The following PCNP variants were observed in gnomAD, a reference collection of about 807,000 sequenced individuals.
PCNP encodes the protein PEST proteolytic signal-containing nuclear protein.
A neutral mutation model predicts 21.8 loss-of-function variants in PCNP; 6 were observed. The observed-to-expected ratio is 0.28, with a 90% CI of 0.15 to 0.54. PCNP has a LOEUF of 0.54. PCNP is among the 20% of genes least tolerant of loss of function. The pLI, the probability that PCNP is intolerant of heterozygous loss-of-function variation, is 0.95. For missense variants in PCNP, 161 were observed against 215.5 expected (o/e 0.75, Z 1.58); for synonymous variants, 67 against 73.2 (o/e 0.92, Z 0.43).
chr3:101,577,710 G>A (rs900211558), intron 1 of PCNP, among the ~76,000 whole-genome samples: 1 of 152,130 alleles, frequency 6.6e-6, no homozygotes, highest in Non-Finnish European at 1.5e-5. Flanking sequence ...TTTTAGTAGA[G>A]ACGGGGTTTT....
At chr3:101,587,594 T>C (rs1020693105) in intron 3 of PCNP, among the ~76,000 whole-genome samples, 1 of 151,520 alleles carries the variant, frequency 6.6e-6, no homozygotes, top group Non-Finnish European at 1.5e-5. Context: ...AGTATCTGAA[T>C]AAATGATACT....
rs1267481687 is a variant in PCNP, at chr3:101,593,017, G to C, written c.*264G>C. ...ACAGATAATAAAGAAATCAGAAATGGTACCTTTTTAAGAATTGCATATTTT... is the reference window on the plus strand; with the variant it reads ...ACAGATAATAAAGAAATCAGAAATGCTACCTTTTTAAGAATTGCATATTTT... On this transcript the variant is annotated 3_prime_UTR_variant, in exon 5 of 5. Transcript: ENST00000265260. 4.4e-6 allele frequency: 1 copy of C among 227,986 alleles called. No individual in the cohort carries two copies. The highest frequency in any genetic ancestry group is 8.4e-6 in the Non-Finnish European group (1 of 118,352). The allele number at this position is 227,986 out of a possible 1,614,324, so 14.1% of individuals were successfully genotyped here. A position where few individuals can be genotyped will look rare whatever the true frequency, so the allele number is the denominator to read the frequency against.
chr3:101,586,035 G>T (rs911879168), intron 3 of PCNP, among the ~76,000 whole-genome samples: 2 of 151,978 alleles, frequency 1.3e-5, no homozygotes, highest in African/African-American at 4.8e-5. Context: ...GACAGGCGTG[G>T]TGGCACAGGC....
At chr3:101,577,383 G>A (rs757055166) in intron 1 of PCNP, among the ~76,000 whole-genome samples, 3 of 152,170 alleles carry the variant, frequency 2.0e-5, no homozygotes, top group Non-Finnish European at 4.4e-5. Context: ...CACTAGTAGG[G>A]TCTTGAATAC....
At chr3:101,580,880 C>T (rs1410255911) in intron 2 of PCNP, among the ~76,000 whole-genome samples, 1 of 152,114 alleles carries the variant, frequency 6.6e-6, no homozygotes, top group Non-Finnish European at 1.5e-5. Flanking sequence ...TTGCTATTGG[C>T]TTTGGAAAAT....
intron 1 of PCNP, 61 bp downstream of exon 1, chr3:101,574,340 C>T (rs1934738591): frequency 7.0e-7 from 1 of 1,432,330 alleles, no homozygotes; most frequent in Non-Finnish European, 9.3e-7. Flanking sequence ...TTTGAGCTCC[C>T]AGGGTGGGGG....
At chr3:101,574,389 C>G in intron 1 of PCNP, 110 bp downstream of exon 1, 1 of 1,339,522 alleles carries the variant, frequency 7.5e-7, no homozygotes, top group Non-Finnish European at 1.0e-6. Context: ...CTGGACCTCA[C>G]CCGGCCAGGT....
At chr3:101,582,622 T>C (rs1040937826) in intron 2 of PCNP, among the ~76,000 whole-genome samples, 3 of 152,242 alleles carry the variant, frequency 2.0e-5, no homozygotes, top group Non-Finnish European at 4.4e-5. Context: ...ATTAAGGGTG[T>C]TTCTAGAGTT....
chr3:101,576,460 CTATT>C (rs1186038076), intron 1 of PCNP: 3 of 1,445,076 alleles, frequency 2.1e-6, no homozygotes, highest in Admixed American at 2.0e-5. Context: ...GGTATATAAA[CTATT>C]TATTAACAGA....
intron 3 of PCNP, among the ~76,000 whole-genome samples, chr3:101,586,789 G>A (rs1217959803): frequency 1.3e-5 from 2 of 152,016 alleles, no homozygotes; most frequent in Admixed American, 1.3e-4. Context: ...CTGGGCTCAA[G>A]TGATCCTCTG....
At chr3:101,583,344 C>T (rs2108281442) in intron 2 of PCNP, among the ~76,000 whole-genome samples, 1 of 152,160 alleles carries the variant, frequency 6.6e-6, no homozygotes, top group East Asian at 1.9e-4. Context: ...ATCCCAGTTA[C>T]TTGGGAGGCT....
Position 101,574,257 on chromosome 3 carries a change from G to C in PCNP, c.42G>C (p.Ser14=). The C allele has an allele frequency of 6.5e-7, 1 of 1,547,660 alleles. No individual in the cohort carries two copies. The highest frequency in any genetic ancestry group is 8.7e-7 in the Non-Finnish European group (1 of 1,144,810). ...CGGGAGACGAGAAGCCTGAAAAGTC[G>C]CAGCGAGCTGGAGCCGCCGGAGGTG... is the stretch of plus-strand genomic sequence containing the variant. The part of the protein sequence containing the change: ...GKAGDEKPEK[S]QRAGAAGGPE... Residue 14 remains serine (S), a synonymous_variant, in exon 1 of 5, where the codon TCG becomes TCC. Coordinates refer to ENST00000265260, the MANE Select transcript of PCNP (RefSeq NM_020357.3).
intron 4 of PCNP, among the ~76,000 whole-genome samples, chr3:101,591,702 C>G (rs1180177054): frequency 6.7e-6 from 1 of 149,388 alleles, no homozygotes; most frequent in East Asian, 1.9e-4. Context: ...ATCACATTGA[C>G]TTCATGATGC....
At chr3:101,575,960 C>G (rs554407076) in intron 1 of PCNP, among the ~76,000 whole-genome samples, 1 of 152,190 alleles carries the variant, frequency 6.6e-6, no homozygotes, top group South Asian at 2.1e-4. Context: ...CCCTTAACTT[C>G]TACATAATTT....
chr3:101,576,311 T>C (rs1934880775), intron 1 of PCNP, among the ~76,000 whole-genome samples: 1 of 151,380 alleles, frequency 6.6e-6, no homozygotes, highest in Non-Finnish European at 1.5e-5. Context: ...CTGGGCGCAC[T>C]GCAAACTCCG....
At chr3:101,578,787 A>G (rs1158028960) in intron 1 of PCNP, among the ~76,000 whole-genome samples, 1 of 152,128 alleles carries the variant, frequency 6.6e-6, no homozygotes, top group African/African-American at 2.4e-5. Context: ...CTGTTAATCA[A>G]GGCCATCTCT....
At chr3:101,586,393 G>T (rs554319753) in intron 3 of PCNP, among the ~76,000 whole-genome samples, 1 of 151,918 alleles carries the variant, frequency 6.6e-6, no homozygotes, top group Non-Finnish European at 1.5e-5. Context: ...AATGACCTAT[G>T]GAAGTTTCAA....
intron 1 of PCNP, chr3:101,576,348 C>T (rs1934884502): frequency 3.4e-6 from 2 of 593,324 alleles, no homozygotes; most frequent in South Asian, 2.9e-5. Flanking sequence ...GATTTTCCTG[C>T]CTCAGCCTCC....
intron 3 of PCNP, among the ~76,000 whole-genome samples, chr3:101,587,517 C>T (rs1239189819): frequency 6.6e-6 from 1 of 151,812 alleles, no homozygotes; most frequent in Non-Finnish European, 1.5e-5. Context: ...AAATCAGAAA[C>T]GTTCACCTAG....
Sources: gnomAD v4.1 joint callset for allele counts (sites outside exome capture counted in the v4.1 genomes callset) on GRCh38, gnomAD v4.1.1 for gene constraint, MANE v1.5 for transcripts, NCBI Gene and HGNC (gene_info 2026-07-23, HGNC 2026-07-21) for gene names.